MGAT5B: variants seen among roughly 807,000 people sequenced by gnomAD.
MGAT5B encodes the protein N-acetylglucosaminyl-transferase Vb.
A neutral mutation model predicts 95.1 loss-of-function variants in MGAT5B; 54 were observed. The ratio of observed to expected loss-of-function variants is 0.57; its 90% CI spans 0.46 to 0.71. The LOEUF is 0.71. Ranked by LOEUF, MGAT5B falls within the 30% of genes least tolerant of loss-of-function variation. The probability of loss-of-function intolerance (pLI) is 0.00; values close to 1 mark genes in which losing one functional copy is unlikely to be tolerated. For synonymous variants in MGAT5B, 464 were observed against 451.0 expected (o/e 1.03, Z -0.36); for missense variants, 935 against 1,088.6 (o/e 0.86, Z 1.99).
chr17:76,925,916 C>G (rs1391455128), intron 9 of MGAT5B, among the ~76,000 whole-genome samples: 1 of 152,126 alleles, frequency 6.6e-6, no homozygotes, highest in Non-Finnish European at 1.5e-5. Flanking sequence ...TGAGAATGGC[C>G]TCGGAGTTCG....
In MGAT5B at chr17:76,906,366, C is replaced by A. The variant is rs543732346; in HGVS notation, c.1025+179C>A. On this transcript the variant is annotated intron_variant, in intron 8 of 17. Coordinates refer to ENST00000569840, the MANE Select transcript of MGAT5B (RefSeq NM_001199172.2). The surrounding 1 kb of genome is among the most constrained non-coding windows in gnomAD (Gnocchi z 4.6). ...CATCACCACTCCTAATCCCCCTCCT[C>A]CTGCCCGGTCTTGGGGGATGTGGCA... 5.3e-5 allele frequency among the ~76,000 whole-genome samples: 8 copies of A among 152,354 alleles called. No homozygotes were observed. Among genetic ancestry groups the A allele is most frequent in the Admixed American group, 2.0e-4 (3 of 15,306 alleles).
rs761808361 is a variant in MGAT5B, at chr17:76,948,697, C to G, written c.2238C>G (p.Phe746Leu). ...ESEMNHLYPAFAQPGQECYLQ... is the reference protein window; with the variant it reads ...ESEMNHLYPALAQPGQECYLQ... ...AGATGAACCACCTGTACCCGGCGTT[C>G]GCCCAGCCTGGCCAGGAGTGCTACC... The change falls in exon 18 of 18, where the codon TTC (phenylalanine) becomes TTG (leucine). Residue 746 changes from phenylalanine (F) to leucine (L), a missense_variant. Around this residue, in one of 4 missense-constraint regions of MGAT5B, gnomAD observed 440 missense variants for 523.6 expected, o/e 0.84. Coordinates refer to ENST00000569840, the MANE Select transcript of MGAT5B (RefSeq NM_001199172.2). 1 of 1,613,452 alleles carries G rather than the reference C, an allele frequency of 6.2e-7. No individual in the cohort carries two copies. The highest frequency in any genetic ancestry group is 2.2e-5 in the East Asian group (1 of 44,854).
In MGAT5B at chr17:76,904,423, G is replaced by A. The variant is rs1418513273; in HGVS notation, c.690+1G>A. On this transcript the variant is annotated splice_donor_variant, in intron 6 of 17. Transcript: ENST00000569840. LOFTEE classifies it high-confidence loss of function. ...ACCCAAGCCCCTCCCCAAAGTCCAGGTGGGCCTGGGAGGTGGGTGGGCCGG... is the reference window on the plus strand; with the variant it reads ...ACCCAAGCCCCTCCCCAAAGTCCAGATGGGCCTGGGAGGTGGGTGGGCCGG... 1.3e-6 allele frequency: 2 copies of A among 1,554,566 alleles called. No individual in the cohort carries two copies. Among genetic ancestry groups the A allele is most frequent in the Admixed American group, 1.9e-5 (1 of 51,372 alleles).
At position 76,940,868 on chromosome 17, in the gene MGAT5B, G is replaced by A. The variant is rs1225767889; in HGVS notation, c.1848+20G>A. 1 of 1,580,104 alleles carries A rather than the reference G, an allele frequency of 6.3e-7. No homozygotes were observed. The highest frequency in any genetic ancestry group is 8.7e-7 in the Non-Finnish European group (1 of 1,149,322). On this transcript the variant is annotated intron_variant, in intron 15 of 17. Transcript: ENST00000569840. This position sits in a 1 kb window ranked among gnomAD's most constrained non-coding sequence, Gnocchi z 4.3. Reference sequence around the variant, plus strand: ...ACTCAGGTGAGAGCAGCCACATACAGTTGAGACCCCCCACTAGTCCACACT... The same window carrying A: ...ACTCAGGTGAGAGCAGCCACATACAATTGAGACCCCCCACTAGTCCACACT...
chr17:76,946,567 C>T (rs927557011), intron 16 of MGAT5B, 117 bp downstream of exon 16: 7 of 821,574 alleles, frequency 8.5e-6, no homozygotes, highest in Non-Finnish European at 1.1e-5. Flanking sequence ...TCCCTGCTCC[C>T]TCCTCCAGCC....
At chr17:76,941,995 A>G (rs762660639) in intron 15 of MGAT5B, among the ~76,000 whole-genome samples, 9 of 152,344 alleles carry the variant, frequency 5.9e-5, no homozygotes, top group Middle Eastern at 3.4e-3. Context: ...TTTGGCCTGC[A>G]CACAGATGGG....
At chr17:76,946,353 G>A in intron 15 of MGAT5B, 23 bp from the exon 16 acceptor site, 1 of 1,598,358 alleles carries the variant, frequency 6.3e-7, no homozygotes, top group Non-Finnish European at 8.5e-7. Flanking sequence ...CCCGCCCCAT[G>A]TGTCTGCCCA....
rs369174027 is a variant in MGAT5B at position 76,905,289 on chromosome 17, C to A, written c.811C>A (p.Arg271Ser). 5 of 1,605,506 alleles carry A rather than the reference C, an allele frequency of 3.1e-6. No individual in the cohort carries two copies. Among genetic ancestry groups the A allele is most frequent in the Non-Finnish European group, 4.3e-6 (5 of 1,173,898 alleles). ...AGCCCAGTGGGCGCTGGCTGCCCAG[C>A]GCCTGGCACAGAAGCTGGGGGCCAC... is the stretch of plus-strand genomic sequence containing the variant. The part of the protein sequence containing the change: ...LTAQWALAAQ[R>S]LAQKLGATQR... The change falls in exon 7 of 18, where the codon CGC becomes AGC. Residue 271 changes from arginine to serine, a missense_variant. This residue lies in a region of MGAT5B where 243 missense variants were observed against 305.5 expected (regional missense o/e 0.80). Coordinates refer to ENST00000569840, the MANE Select transcript of MGAT5B (RefSeq NM_001199172.2). The surrounding 1 kb of genome is among the most constrained non-coding windows in gnomAD (Gnocchi z 4.2).
At position 76,880,691 on chromosome 17, in the gene MGAT5B, C is replaced by A. The variant is rs112494925; in HGVS notation, c.182-1460C>A. On this transcript the variant is annotated intron_variant, in intron 2 of 17. Coordinates refer to ENST00000569840, the MANE Select transcript of MGAT5B (RefSeq NM_001199172.2). ...ACTGCCCTGGTCACACAGGGGTCAG[C>A]GGGCAGAGGCCCCAGTCCCCTTGCC... 4.6e-5 allele frequency among the ~76,000 whole-genome samples: 7 copies of A among 152,342 alleles called. 1 individual carries two copies. Among genetic ancestry groups the A allele is most frequent in the African/African-American group, 1.7e-4 (7 of 41,578 alleles).
chr17:76,899,741 C>T (rs1567801808), intron 3 of MGAT5B, among the ~76,000 whole-genome samples: 1 of 152,030 alleles, frequency 6.6e-6, no homozygotes, highest in Non-Finnish European at 1.5e-5. Context: ...AGCAGCTCCA[C>T]GGGCTTCATC....
chr17:76,944,471 T>G (rs982771549), intron 15 of MGAT5B, among the ~76,000 whole-genome samples: 1 of 152,078 alleles, frequency 6.6e-6, no homozygotes, highest in African/African-American at 2.4e-5. Flanking sequence ...GCTCAGAGGC[T>G]CCCAGGACTT....
chr17:76,935,868 CATTATATAT>C (rs1330706997), intron 12 of MGAT5B, among the ~76,000 whole-genome samples: 2 of 125,216 alleles, frequency 1.6e-5, no homozygotes, highest in East Asian at 2.1e-4. Context: ...ATATTATATA[CATTATATAT>C]ATTATATATT....
At chr17:76,876,735 A>C (rs1324030262) in intron 2 of MGAT5B, among the ~76,000 whole-genome samples, 1 of 152,212 alleles carries the variant, frequency 6.6e-6, no homozygotes. Flanking sequence ...AATGTGACTG[A>C]CATCTCATTC....
rs961764177 is a variant in MGAT5B, at chr17:76,896,911, G to T, written c.330-5644G>T. 2.0e-5 allele frequency among the ~76,000 whole-genome samples: 3 copies of T among 152,198 alleles called. No homozygotes were observed. In the South Asian group the frequency reaches 6.2e-4, roughly 32 times the overall value. ...CAGCAGGAGCATCCAGGAGAACCTAGATTTTCTCTCTCTCTCTTTTTTTTT... is the reference window on the plus strand; with the variant it reads ...CAGCAGGAGCATCCAGGAGAACCTATATTTTCTCTCTCTCTCTTTTTTTTT... On this transcript the variant is annotated intron_variant, in intron 3 of 17. Transcript: ENST00000569840.
In MGAT5B at chr17:76,930,342, T is replaced by C. The variant is rs1969440003; in HGVS notation, c.1292-2303T>C. 6.6e-6 allele frequency among the ~76,000 whole-genome samples: 1 copy of C among 152,120 alleles called. No homozygotes were observed. The highest frequency in any genetic ancestry group is 2.4e-5 in the African/African-American group (1 of 41,416). ...GAATACTACAGTAGATTTACACATTTGATGAAAGCATGCATCCCAATTGGA... is the reference window on the plus strand; with the variant it reads ...GAATACTACAGTAGATTTACACATTCGATGAAAGCATGCATCCCAATTGGA... On this transcript the variant is annotated intron_variant, in intron 10 of 17. Transcript: ENST00000569840. This position sits in a 1 kb window ranked among gnomAD's most constrained non-coding sequence, Gnocchi z 4.1.
rs1431743445 is a variant in MGAT5B, at chr17:76,870,644, G to C, written c.68+1547G>C. Reference sequence around the variant, plus strand: ...CAGGCCCTTATCTGAAGGCAGGATTGGGGGTGGAGGTGCATGGGTCCCCAA... The same window carrying C: ...CAGGCCCTTATCTGAAGGCAGGATTCGGGGTGGAGGTGCATGGGTCCCCAA... On this transcript the variant is annotated intron_variant, in intron 1 of 17. Transcript: ENST00000569840. This position sits in a 1 kb window ranked among gnomAD's most constrained non-coding sequence, Gnocchi z 5.0. Among the ~76,000 whole-genome samples, 1 of 152,002 alleles carries C rather than the reference G, an allele frequency of 6.6e-6. No homozygotes were observed. Among genetic ancestry groups the C allele is most frequent in the Non-Finnish European group, 1.5e-5 (1 of 67,968 alleles).
Position 76,915,439 on chromosome 17 carries a change from G to A in MGAT5B, c.1025+9252G>A, listed in dbSNP as rs990414765. Reference sequence around the variant, plus strand: ...TTCCCACAAGCCAGGTGGAGGCAGCGGGAGACGCGAGGAAGTGGACAAGAC... The same window carrying A: ...TTCCCACAAGCCAGGTGGAGGCAGCAGGAGACGCGAGGAAGTGGACAAGAC... On this transcript the variant is annotated intron_variant, in intron 8 of 17. Coordinates refer to ENST00000569840, the MANE Select transcript of MGAT5B (RefSeq NM_001199172.2). The surrounding 1 kb of genome is among the most constrained non-coding windows in gnomAD (Gnocchi z 8.7). Among the ~76,000 whole-genome samples the A allele has an allele frequency of 3.3e-5, 5 of 152,120 alleles. No homozygotes were observed. The highest frequency in any genetic ancestry group is 6.6e-5 in the Admixed American group (1 of 15,260).
At chr17:76,926,861 G>A (rs1054670275) in intron 10 of MGAT5B, 131 bp downstream of exon 10, 5 of 1,119,478 alleles carry the variant, frequency 4.5e-6, no homozygotes, top group Non-Finnish European at 5.2e-6. Context: ...GTGGGACCCA[G>A]CAAGCATCGC....
At chr17:76,948,571 C>T (rs532177419) in intron 17 of MGAT5B, 69 bp from the exon 18 acceptor site, 4 of 1,460,524 alleles carry the variant, frequency 2.7e-6, no homozygotes, top group African/African-American at 1.4e-5. Flanking sequence ...GGGGGCAGCC[C>T]CTACCCCGCC....
Sources: gnomAD v4.1 joint callset for allele counts (sites outside exome capture counted in the v4.1 genomes callset) on GRCh38, gnomAD v4.1.1 for gene constraint, gnomAD v4.1.1 regional missense constraint, Gnocchi (gnomAD v3.1) non-coding constraint, MANE v1.5 for transcripts, NCBI Gene and HGNC (gene_info 2026-07-23, HGNC 2026-07-21) for gene names.